The following GPRIN1 variants were observed in gnomAD, a reference collection of about 807,000 sequenced individuals.
The protein encoded by GPRIN1 is G protein regulated inducer of neurite outgrowth 1, also known as G protein-regulated inducer of neurite outgrowth 1.
In GPRIN1, 4 loss-of-function variants were observed where a neutral mutation model predicts 2.8. That is an observed-to-expected ratio of 1.45 (90% CI 0.71 to 3.32). The LOEUF (loss-of-function observed/expected upper bound fraction) is 3.32, where lower values mean the gene tolerates loss of function less well. Ranked by LOEUF, GPRIN1 falls within the 30% of genes most tolerant of loss-of-function variation. The pLI is 0.01. For missense variants in GPRIN1, 1,322 were observed against 1,343.4 expected, an observed-to-expected ratio of 0.98 and a Z score of 0.25; for synonymous variants, 589 against 589.9, an observed-to-expected ratio of 1.00 and a Z score of 0.02.
rs1759113727 is a variant in GPRIN1 at position 176,599,497 on chromosome 5, T to C, written c.338A>G (p.His113Arg). The C allele has an allele frequency of 2.5e-6, 4 of 1,611,668 alleles. No individual in the cohort carries two copies. Among genetic ancestry groups the C allele is most frequent in the African/African-American group, 1.3e-5 (1 of 74,892 alleles). Residue 113 changes from histidine (H) to arginine (R), a missense_variant, in exon 2 of 2, where the codon CAT becomes CGT. His to Arg is a conservative substitution (Grantham distance 29). This residue lies in a region of GPRIN1 where 1,117 missense variants were observed against 1,128.6 expected (regional missense o/e 0.99). Transcript: ENST00000303991. ...TGGTGTCCCTGAGATGGAGGCTCCA[T>C]GTGCCTCCAATGTCTCCTTGGAGGG... Reference protein sequence around the residue: ...ESPSKETLEAHGASISGTPEA... With the variant: ...ESPSKETLEARGASISGTPEA...
Position 176,598,467 on chromosome 5 carries a change from C to T in GPRIN1, c.1368G>A (p.Glu456=), listed in dbSNP as rs201934375. 1.5e-5 allele frequency: 25 copies of T among 1,614,142 alleles called. No individual in the cohort carries two copies. In the African/African-American group the frequency reaches 2.9e-4, roughly 19 times the overall value. Residue 456 remains glutamate, a synonymous_variant, in exon 2 of 2, where the codon GAG becomes GAA. Transcript: ENST00000303991. ...GKAGTVSPGK[E]DPVSSRREDP... is the part of the protein sequence containing the mutation. ...CCTCCCTTCTGGAGGACACCGGGTC[C>T]TCTTTTCCTGGGGATACAGTTCCTG...
In GPRIN1 at chr5:176,598,960, C is replaced by A; in HGVS notation, c.875G>T (p.Gly292Val). ...CATGGGATCTGCCTTTCCCGAGGGC[C>A]CAGGATCTCTCTTTCCCGACAATAC... Reference protein sequence around the residue: ...DLVLSGKRDPGPSGKADPMPL... With the variant: ...DLVLSGKRDPVPSGKADPMPL... The change falls in exon 2 of 2, where the codon GGG becomes GTG. Residue 292 changes from glycine to valine, a missense_variant. Physicochemically the swap from Gly to Val is moderately radical, Grantham distance 109 (BLOSUM62 -3). Coordinates refer to ENST00000303991, the MANE Select transcript of GPRIN1 (RefSeq NM_052899.3). The A allele has an allele frequency of 6.2e-7, 1 of 1,614,130 alleles. No individual in the cohort carries two copies.
Position 176,599,579 on chromosome 5 carries a change from C to A in GPRIN1, c.256G>T (p.Gly86Cys), listed in dbSNP as rs146274822. ...GGGCAGGCCAGGCTCCCTCTGGGGC[C>A]GTCAGAGCAGGAGGCCCCTTCCCCA... ...GAGEGASCSD[G>C]PRGSLACPSP... The change falls in exon 2 of 2, where the codon GGC becomes TGC. Residue 86 changes from glycine (G) to cysteine (C), a missense_variant. Transcript: ENST00000303991. 1.8e-3 allele frequency: 2,823 copies of A among 1,560,936 alleles called. 7 individuals are homozygous for A. Among genetic ancestry groups the A allele is most frequent in the Non-Finnish European group, 1.9e-3 (2,145 of 1,156,616 alleles).
rs1046226082 is a variant in GPRIN1, at chr5:176,602,851, T to C, written c.-43-2974A>G. On this transcript the variant is annotated intron_variant, in intron 1 of 1. Coordinates refer to ENST00000303991, the MANE Select transcript of GPRIN1 (RefSeq NM_052899.3). This position sits in a 1 kb window ranked among gnomAD's most constrained non-coding sequence, Gnocchi z 4.4. Reference sequence around the variant, plus strand: ...AGGGAAAGCACCCAAGATAAATTAATTGAAAAAGGCCAGGGGACAGCATCG... The same window carrying C: ...AGGGAAAGCACCCAAGATAAATTAACTGAAAAAGGCCAGGGGACAGCATCG... 3.3e-5 allele frequency among the ~76,000 whole-genome samples: 5 copies of C among 151,972 alleles called. No individual in the cohort carries two copies. Among genetic ancestry groups the C allele is most frequent in the African/African-American group, 1.2e-4 (5 of 41,374 alleles).
chr5:176,598,511 G>C lies in GPRIN1; in HGVS notation c.1324C>G (p.Arg442Gly). ...PELLSPGQAE[R>G]VSVGKAGTVS... ...GTTCCTGCCTTTCCCACAGACACACGCTCTGCCTGTCCAGGAGACAAGAGC... is the reference window on the plus strand; with the variant it reads ...GTTCCTGCCTTTCCCACAGACACACCCTCTGCCTGTCCAGGAGACAAGAGC... The change falls in exon 2 of 2, where the codon CGT becomes GGT. Residue 442 changes from arginine to glycine, a missense_variant. Arg to Gly is a moderately radical substitution (Grantham distance 125). Around this residue, in one of 3 missense-constraint regions of GPRIN1, gnomAD observed 1,117 missense variants for 1,128.6 expected, o/e 0.99. Coordinates refer to ENST00000303991, the MANE Select transcript of GPRIN1 (RefSeq NM_052899.3). 3.7e-6 allele frequency: 6 copies of C among 1,614,052 alleles called. No individual in the cohort carries two copies. The highest frequency in any genetic ancestry group is 5.1e-6 in the Non-Finnish European group (6 of 1,180,000).
intron 1 of GPRIN1, among the ~76,000 whole-genome samples, chr5:176,608,754 T>G (rs1581160002): frequency 6.6e-6 from 1 of 152,186 alleles, no homozygotes; most frequent in African/African-American, 2.4e-5. Context: ...CACAGAGACC[T>G]GGCCAGCCAT....
chr5:176,609,692 C>G (rs935489992), intron 1 of GPRIN1, among the ~76,000 whole-genome samples: 1 of 151,954 alleles, frequency 6.6e-6, no homozygotes, highest in African/African-American at 2.4e-5. Context: ...GCGGCAAGGC[C>G]GGGCGCGGGG....
intron 1 of GPRIN1, among the ~76,000 whole-genome samples, chr5:176,605,094 CT>C (rs33965999): frequency 0.018 from 2,332 of 132,806 alleles, 31 homozygotes; most frequent in African/African-American, 0.05. Context: ...AAACAAAACA[CT>C]TTTTTTTTTT....
At chr5:176,604,404 G>A (rs1759191232) in intron 1 of GPRIN1, among the ~76,000 whole-genome samples, 1 of 152,154 alleles carries the variant, frequency 6.6e-6, no homozygotes, top group Non-Finnish European at 1.5e-5. Context: ...CTTTTTATTT[G>A]AGACAATGTC....
chr5:176,597,552 G>A lies in GPRIN1; in HGVS notation c.2283C>T (p.Ser761=), dbSNP rs1277301258. 2 of 1,561,210 alleles carry A rather than the reference G, an allele frequency of 1.3e-6. No individual in the cohort carries two copies. Among genetic ancestry groups the A allele is most frequent in the Non-Finnish European group, 8.6e-7 (1 of 1,158,730 alleles). ...CTTCCAGGTCTTTCTGGCCGAGACTGGAGGCCTCGGTGCTGGACACGGGCT... is the reference window on the plus strand; with the variant it reads ...CTTCCAGGTCTTTCTGGCCGAGACTAGAGGCCTCGGTGCTGGACACGGGCT... ...KAEPVSSTEA[S]SLGQKDLEAA... The change falls in exon 2 of 2, where the codon TCC becomes TCT. Residue 761 remains serine, a synonymous_variant. Coordinates refer to ENST00000303991, the MANE Select transcript of GPRIN1 (RefSeq NM_052899.3). The surrounding 1 kb of genome is among the most constrained non-coding windows in gnomAD (Gnocchi z 6.1).
At chr5:176,600,281 C>T (rs1344881313) in intron 1 of GPRIN1, among the ~76,000 whole-genome samples, 1 of 152,142 alleles carries the variant, frequency 6.6e-6, no homozygotes, top group African/African-American at 2.4e-5. Flanking sequence ...CATGCGCCAC[C>T]ACGCCCAGCT....
rs1475668912 is a variant in GPRIN1 at position 176,610,148 on chromosome 5, C to G, written c.-193G>C. On this transcript the variant is annotated 5_prime_UTR_variant, in exon 1 of 2. Transcript: ENST00000303991. ...GCCGCCGTCCCCAGCGCCGGCTCCG[C>G]GCTCCCGCCCCGCGCCCCGCCCCGG... is the stretch of plus-strand genomic sequence containing the variant. 2 of 150,584 alleles carry G rather than the reference C, an allele frequency of 1.3e-5. No homozygotes were observed. The highest frequency in any genetic ancestry group is 3.0e-5 in the Non-Finnish European group (2 of 67,186). 9.3% of individuals were successfully genotyped at this position (150,584 alleles called of 1,614,324 possible). A position where few individuals can be genotyped will look rare whatever the true frequency, so the allele number is the denominator to read the frequency against.
rs1759104936 is a variant in GPRIN1 at position 176,599,135 on chromosome 5, C to T, written c.700G>A (p.Asp234Asn). The change falls in exon 2 of 2, where the codon GAT becomes AAT. Residue 234 changes from aspartate to asparagine, a missense_variant. By Grantham distance (23) the Asp-to-Asn change is conservative (BLOSUM62 1). Transcript: ENST00000303991. ...KTYTVSPRKE[D>N]PGSLRKVDPV... ...TCCACCTTTCTCAAAGACCCAGGAT[C>T]CTCCTTCCTCGGTGACACTGTATAC... 1 of 859,908 alleles carries T rather than the reference C, an allele frequency of 1.2e-6. No individual in the cohort carries two copies. Among genetic ancestry groups the T allele is most frequent in the African/African-American group, 2.7e-5 (1 of 36,984 alleles). The allele number at this position is 859,908 out of a possible 1,614,324, so 53.3% of individuals were successfully genotyped here. A position where few individuals can be genotyped will look rare whatever the true frequency, so the allele number is the denominator to read the frequency against.
In GPRIN1 at chr5:176,596,800, G is replaced by C. The variant is rs1759041301; in HGVS notation, c.*8C>G. ...GTCGGAAACTCGGGCGTACAAAATG[G>C]GGGCAGATCACTCGGCCGTGGGTCC... On this transcript the variant is annotated 3_prime_UTR_variant, in exon 2 of 2. Coordinates refer to ENST00000303991, the MANE Select transcript of GPRIN1 (RefSeq NM_052899.3). The surrounding 1 kb of genome is among the most constrained non-coding windows in gnomAD (Gnocchi z 5.2). 6.3e-6 allele frequency: 9 copies of C among 1,428,554 alleles called. No homozygotes were observed. Among genetic ancestry groups the C allele is most frequent in the Non-Finnish European group, 8.2e-6 (9 of 1,091,502 alleles). 88.5% of individuals were successfully genotyped at this position (1,428,554 alleles called of 1,614,324 possible).
At chr5:176,605,882 C>T (rs536867473) in intron 1 of GPRIN1, among the ~76,000 whole-genome samples, 10 of 152,270 alleles carry the variant, frequency 6.6e-5, no homozygotes, top group Admixed American at 6.5e-4. Flanking sequence ...CCATGCCTGC[C>T]TGTTTCCTTC....
intron 1 of GPRIN1, among the ~76,000 whole-genome samples, chr5:176,605,859 C>T (rs1183886154): frequency 6.6e-6 from 1 of 152,046 alleles, no homozygotes; most frequent in Non-Finnish European, 1.5e-5. Flanking sequence ...CAGTGAGGGC[C>T]AGGATCTGCC....
In GPRIN1 at chr5:176,598,074, C is replaced by G. The variant is rs774073982; in HGVS notation, c.1761G>C (p.Ser587=). 6.2e-7 allele frequency: 1 copy of G among 1,613,810 alleles called. No homozygotes were observed. The highest frequency in any genetic ancestry group is 1.3e-5 in the African/African-American group (1 of 74,910). The change falls in exon 2 of 2, where the codon TCG becomes TCC. Residue 587 remains serine, a synonymous_variant. Coordinates refer to ENST00000303991, the MANE Select transcript of GPRIN1 (RefSeq NM_052899.3). ...CCAGGGACACGGGATCCACCTTCCC[C>G]GAGGGCACCGGGACTGTTTTTCCTG... is the stretch of plus-strand genomic sequence containing the variant. ...STPGKTVPVP[S]GKVDPVSLGK...
At chr5:176,605,537 C>T (rs1015999413) in intron 1 of GPRIN1, among the ~76,000 whole-genome samples, 49 of 152,182 alleles carry the variant, frequency 3.2e-4, no homozygotes, top group African/African-American at 1.1e-3. Flanking sequence ...GGGCGGAGTT[C>T]CGCGGCTGTA....
At chr5:176,605,877 C>T (rs1759214243) in intron 1 of GPRIN1, among the ~76,000 whole-genome samples, 1 of 152,138 alleles carries the variant, frequency 6.6e-6, no homozygotes. Context: ...GCCTACCATG[C>T]CTGCCTGTTT....
Sources: gnomAD v4.1 joint callset for allele counts (sites outside exome capture counted in the v4.1 genomes callset) on GRCh38, gnomAD v4.1.1 for gene constraint, gnomAD v4.1.1 regional missense constraint, Gnocchi (gnomAD v3.1) non-coding constraint, MANE v1.5 for transcripts, NCBI Gene and HGNC (gene_info 2026-07-23, HGNC 2026-07-21) for gene names.